HMCN1: variants seen among roughly 807,000 people sequenced by gnomAD.
The protein encoded by HMCN1 is hemicentin-1.
In HMCN1, 321 loss-of-function variants were observed where a neutral mutation model predicts 625.9. The observed-to-expected ratio is 0.51, with a 90% CI of 0.47 to 0.56. HMCN1 has a LOEUF of 0.56. Ranked by LOEUF, HMCN1 falls within the 20% of genes least tolerant of loss-of-function variation. The pLI, the probability that HMCN1 is intolerant of heterozygous loss-of-function variation, is 0.00. For synonymous variants in HMCN1, 2,425 were observed against 2,417.6 expected (o/e 1.00, Z -0.09); for missense variants, 6,588 against 6,887.3 (o/e 0.96, Z 1.54).
intron 4 of HMCN1, among the ~76,000 whole-genome samples, chr1:185,907,323 C>T (rs1248794786): frequency 6.6e-6 from 1 of 151,950 alleles, no homozygotes; most frequent in African/African-American, 2.4e-5. Context: ...TCCGTGATGA[C>T]ACTACAAATT....
At chr1:186,040,579 A>G (rs1656139006) in intron 39 of HMCN1, among the ~76,000 whole-genome samples, 1 of 152,264 alleles carries the variant, frequency 6.6e-6, no homozygotes, top group East Asian at 1.9e-4. Context: ...AACTGAATCC[A>G]TGGGATAAAG....
intron 10 of HMCN1, 50 bp downstream of exon 10, chr1:185,928,717 G>A (rs1362457892): frequency 6.3e-7 from 1 of 1,586,766 alleles, no homozygotes; most frequent in Non-Finnish European, 8.6e-7. Context: ...ATGCAGCTAT[G>A]GAAATGGGAT....
In HMCN1 at chr1:186,069,688, T is replaced by G; in HGVS notation, c.7905T>G (p.Asn2635Lys). ...LPGGRTLQILNAQEDNAGRYS... is the reference protein window; with the variant it reads ...LPGGRTLQILKAQEDNAGRYS... ...GAGGCAGAACTCTGCAGATCCTCAA[T>G]GCACAGGAGGACAATGCTGGAAGAT... The change falls in exon 51 of 107, where the codon AAT becomes AAG. Residue 2635 changes from asparagine (N) to lysine (K), a missense_variant. Coordinates refer to ENST00000271588, the MANE Select transcript of HMCN1 (RefSeq NM_031935.3). The G allele has an allele frequency of 4.3e-6, 7 of 1,612,826 alleles. No homozygotes were observed. Among genetic ancestry groups the G allele is most frequent in the Non-Finnish European group, 5.9e-6 (7 of 1,179,462 alleles).
In HMCN1 at chr1:186,088,729, A is replaced by C; in HGVS notation, c.9701A>C (p.Gln3234Pro). 6.2e-7 allele frequency: 1 copy of C among 1,610,058 alleles called. No individual in the cohort carries two copies. Among genetic ancestry groups the C allele is most frequent in the East Asian group, 2.2e-5 (1 of 44,722 alleles). ...CIASNMEGKA[Q>P]KYYFLSIQVP... is the part of the protein sequence containing the mutation. Reference sequence around the variant, plus strand: ...GCTTCAAATATGGAGGGAAAAGCCCAGAAATATTACTTTCTTTCAATTCAA... The same window carrying C: ...GCTTCAAATATGGAGGGAAAAGCCCCGAAATATTACTTTCTTTCAATTCAA... Residue 3234 changes from glutamine to proline, a missense_variant, in exon 63 of 107, where the codon CAG (glutamine) becomes CCG (proline). Gln to Pro is a moderately conservative substitution (Grantham distance 76, BLOSUM62 -1). Coordinates refer to ENST00000271588, the MANE Select transcript of HMCN1 (RefSeq NM_031935.3).
chr1:186,178,714 T>A lies in HMCN1; in HGVS notation c.16242T>A (p.Thr5414=). ...SRTSLSRTRR[T]IRKTCPEGSE... ...CATCTCTCTCCAGGACTAGAAGGAC[T>A]ATTAGGAAAACTTGCCCTGAAGGCT... Residue 5414 remains threonine (T), a synonymous_variant, in exon 104 of 107, where the codon ACT becomes ACA. Transcript: ENST00000271588. The A allele has an allele frequency of 1.2e-6, 2 of 1,614,134 alleles. No individual in the cohort carries two copies. Among genetic ancestry groups the A allele is most frequent in the Non-Finnish European group, 1.7e-6 (2 of 1,179,970 alleles).
chr1:186,150,657 A>G (rs1650607539), intron 93 of HMCN1, among the ~76,000 whole-genome samples: 3 of 152,094 alleles, frequency 2.0e-5, no homozygotes, highest in Non-Finnish European at 4.4e-5. Flanking sequence ...CTTTTCCTGG[A>G]TGTTCTCATG....
At chr1:186,121,699 T>C (rs974389647) in intron 80 of HMCN1, among the ~76,000 whole-genome samples, 2 of 152,056 alleles carry the variant, frequency 1.3e-5, no homozygotes, top group Non-Finnish European at 2.9e-5. Flanking sequence ...TATATATGAA[T>C]TTGGAGCTCA....
intron 105 of HMCN1, among the ~76,000 whole-genome samples, chr1:186,185,406 G>A (rs568261614): frequency 6.6e-6 from 1 of 152,306 alleles, no homozygotes; most frequent in East Asian, 1.9e-4. Context: ...TTTTGTCAAG[G>A]AGATTAAGCC....
chr1:186,078,122 A>T lies in HMCN1; in HGVS notation c.8501A>T (p.Gln2834Leu). 1 of 1,613,290 alleles carries T rather than the reference A, an allele frequency of 6.2e-7. No homozygotes were observed. Among genetic ancestry groups the T allele is most frequent in the Non-Finnish European group, 8.5e-7 (1 of 1,179,428 alleles). ...VLILPGGRVL[Q>L]IPRAKVEDAG... ...TTATTTTCAGGAGGGCGAGTGTTGC[A>T]GATTCCTCGGGCTAAAGTAGAAGAT... Residue 2834 changes from glutamine (Q) to leucine (L), a missense_variant, in exon 55 of 107, where the codon CAG (glutamine) becomes CTG (leucine). Coordinates refer to ENST00000271588, the MANE Select transcript of HMCN1 (RefSeq NM_031935.3).
intron 11 of HMCN1, among the ~76,000 whole-genome samples, chr1:185,937,725 CCAAAAATTAG>C (rs1558078053): frequency 6.6e-6 from 1 of 151,614 alleles, no homozygotes; most frequent in Non-Finnish European, 1.5e-5. Flanking sequence ...ACTAAAAATA[CCAAAAATTAG>C]CCAGGCTTGG....
Position 186,039,748 on chromosome 1 carries a change from A to G in HMCN1, c.6049A>G (p.Ser2017Gly), listed in dbSNP as rs748253652. 1 of 1,613,474 alleles carries G rather than the reference A, an allele frequency of 6.2e-7. No homozygotes were observed. The highest frequency in any genetic ancestry group is 2.2e-5 in the East Asian group (1 of 44,834). The change falls in exon 39 of 107, where the codon AGC (serine) becomes GGC (glycine). Residue 2017 changes from serine (S) to glycine (G), a missense_variant. By Grantham distance (56) the Ser-to-Gly change is moderately conservative (BLOSUM62 0). Transcript: ENST00000271588. The part of the protein sequence containing the change: ...QVHVAPSISG[S>G]NNMVAVVVNN... ...TTCAGTGGCCCCATCAATTTCTGGC[A>G]GCAATAACATGGTGGCAGTGGTGGT...
rs68110596 is a variant in HMCN1, at chr1:186,000,559, A to ATGTGTGTGTG, written c.4069+344_4069+353dup. Among the ~76,000 whole-genome samples, 228 of 144,748 alleles carry ATGTGTGTGTG rather than the reference A, an allele frequency of 1.6e-3. 1 individual carries two copies. Among genetic ancestry groups the ATGTGTGTGTG allele is most frequent in the African/African-American group, 5.4e-3 (216 of 39,682 alleles). The allele number at this position is 144,748 out of a possible 152,430, so 95.0% of individuals were successfully genotyped here. A position where few individuals can be genotyped will look rare whatever the true frequency, so the allele number is the denominator to read the frequency against. The stretch of plus-strand genomic sequence containing the variant: ...GCGTGTAGGGTGTGTGTGTGTGTGT[A>ATGTGTGTGTG]TGTGTGTGTGTGTGTGTGTGTGTGT... On this transcript the variant is annotated intron_variant, in intron 26 of 106. Coordinates refer to ENST00000271588, the MANE Select transcript of HMCN1 (RefSeq NM_031935.3).
In HMCN1 at chr1:185,922,752, T is replaced by G. The variant is rs1181395339; in HGVS notation, c.1021+253T>G. The stretch of plus-strand genomic sequence containing the variant: ...CTCCAGATCTCCTGAATTAGAACCA[T>G]GGAAGGTAGGGCCCAGGAATATGTA... On this transcript the variant is annotated intron_variant, in intron 7 of 106. Coordinates refer to ENST00000271588, the MANE Select transcript of HMCN1 (RefSeq NM_031935.3). Among the ~76,000 whole-genome samples, 2 of 152,130 alleles carry G rather than the reference T, an allele frequency of 1.3e-5. 1 individual carries two copies. Among genetic ancestry groups the G allele is most frequent in the African/African-American group, 4.8e-5 (2 of 41,434 alleles).
At chr1:186,032,770 TGTG>T (rs1399994734) in intron 36 of HMCN1, among the ~76,000 whole-genome samples, 1 of 149,682 alleles carries the variant, frequency 6.7e-6, no homozygotes, top group African/African-American at 2.5e-5. Flanking sequence ...AAAAAAAAGA[TGTG>T]GTGTGGATGT....
intron 104 of HMCN1, among the ~76,000 whole-genome samples, chr1:186,180,552 C>G (rs1179226459): frequency 2.0e-5 from 3 of 152,202 alleles, no homozygotes; most frequent in Non-Finnish European, 1.5e-5. Context: ...ACCCACTTCT[C>G]TACTTCTTCA....
Position 186,081,276 on chromosome 1 carries a change from C to G in HMCN1, c.8669C>G (p.Ala2890Gly). ...EEVTVLVNKS[A>G]LIECLSSGSP... ...GTCACCGTGCTGGTGAACAAGAGTG[C>G]ACTGATAGAGTGTTTATCCAGTGGC... Residue 2890 changes from alanine (A) to glycine (G), a missense_variant, in exon 56 of 107, where the codon GCA becomes GGA. This residue lies in a region of HMCN1 where 4,628 missense variants were observed against 4,853.1 expected (regional missense o/e 0.95). Transcript: ENST00000271588. 6.2e-7 allele frequency: 1 copy of G among 1,613,388 alleles called. No individual in the cohort carries two copies. The highest frequency in any genetic ancestry group is 1.1e-5 in the South Asian group (1 of 91,056).
chr1:186,185,758 A>C (rs1653259094), intron 105 of HMCN1, among the ~76,000 whole-genome samples: 2 of 152,172 alleles, frequency 1.3e-5, no homozygotes, highest in African/African-American at 4.8e-5. Flanking sequence ...CAACTACCAA[A>C]TTATGTACTA....
At chr1:185,997,645 A>G (rs1368027280) in intron 25 of HMCN1, 121 bp downstream of exon 25, 6 of 748,792 alleles carry the variant, frequency 8.0e-6, no homozygotes, top group Admixed American at 2.0e-5. Context: ...ACATTTGAGC[A>G]TAATAGAAAC....
chr1:186,008,201 C>T (rs964763943), intron 30 of HMCN1, among the ~76,000 whole-genome samples: 1 of 152,062 alleles, frequency 6.6e-6, no homozygotes, highest in African/African-American at 2.4e-5. Flanking sequence ...ATGTTTGATA[C>T]ATAGCAAGTC....
Sources: allele counts gnomAD v4.1 joint callset (sites outside exome capture counted in the v4.1 genomes callset), GRCh38; gene constraint gnomAD v4.1.1; regional missense constraint gnomAD v4.1.1; transcripts MANE v1.5; gene names NCBI Gene and HGNC (gene_info 2026-07-23, HGNC 2026-07-21).